The following PTPRR variants were observed in gnomAD, a reference collection of about 807,000 sequenced individuals.
PTPRR encodes the protein receptor-type tyrosine-protein phosphatase R.
PTPRR carries 38 observed loss-of-function variants against 77.2 expected under a neutral mutation model. The ratio of observed to expected loss-of-function variants is 0.49; its 90% CI spans 0.38 to 0.65. The LOEUF is 0.65. Among genes scored for constraint, PTPRR ranks in the 30% least tolerant of loss-of-function variants. PTPRR has a pLI of 0.00. For synonymous variants in PTPRR, 299 were observed against 283.1 expected, an observed-to-expected ratio of 1.06 and a Z score of -0.57; for missense variants, 744 against 799.2, an observed-to-expected ratio of 0.93 and a Z score of 0.83.
intron 2 of PTPRR, among the ~76,000 whole-genome samples, chr12:70,828,608 T>C (rs1346532516): frequency 6.6e-6 from 1 of 152,228 alleles, no homozygotes; most frequent in Non-Finnish European, 1.5e-5. Context: ...CCCTTGGCCA[T>C]GTTATTATTT....
intron 10 of PTPRR, among the ~76,000 whole-genome samples, chr12:70,683,686 G>A (rs1887756883): frequency 6.6e-6 from 1 of 152,008 alleles, no homozygotes; most frequent in South Asian, 2.1e-4. Flanking sequence ...TTTATTATGT[G>A]TAGTGTTGTT....
At chr12:70,916,458 G>A (rs908975265) in intron 1 of PTPRR, among the ~76,000 whole-genome samples, 4 of 152,180 alleles carry the variant, frequency 2.6e-5, no homozygotes, top group Admixed American at 1.3e-4. Flanking sequence ...GAGTTCTAAG[G>A]AACATCTTAA....
At chr12:70,715,801 A>G (rs1889005027) in intron 6 of PTPRR, among the ~76,000 whole-genome samples, 1 of 152,134 alleles carries the variant, frequency 6.6e-6, no homozygotes, top group African/African-American at 2.4e-5. Context: ...CCCAGATTTC[A>G]TATTGTTCAA....
chr12:70,715,627 G>T (rs1464610314), intron 6 of PTPRR, among the ~76,000 whole-genome samples: 1 of 152,160 alleles, frequency 6.6e-6, no homozygotes, highest in Non-Finnish European at 1.5e-5. Context: ...CTCTTTCCCA[G>T]GGATGTTCCT....
chr12:70,735,707 T>C (rs1406589883), intron 6 of PTPRR, among the ~76,000 whole-genome samples: 1 of 152,214 alleles, frequency 6.6e-6, no homozygotes, highest in African/African-American at 2.4e-5. Context: ...TAGATTTTTA[T>C]TTCTTTGTGA....
intron 13 of PTPRR, among the ~76,000 whole-genome samples, chr12:70,642,417 C>T (rs1246998686): frequency 2.0e-5 from 3 of 152,200 alleles, no homozygotes; most frequent in African/African-American, 7.2e-5. Flanking sequence ...CCATTTCTCA[C>T]TCCCAGCGTT....
At chr12:70,902,316 A>T (rs1467408229) in intron 1 of PTPRR, among the ~76,000 whole-genome samples, 1 of 151,862 alleles carries the variant, frequency 6.6e-6, no homozygotes, top group Non-Finnish European at 1.5e-5. Context: ...ACTACTGGGT[A>T]TCCACTCAGA....
intron 1 of PTPRR, among the ~76,000 whole-genome samples, chr12:70,902,069 C>T (rs942867089): frequency 1.3e-5 from 2 of 151,774 alleles, no homozygotes; most frequent in African/African-American, 2.4e-5. Flanking sequence ...AAAAAATGCT[C>T]GACATCACTA....
chr12:70,696,828 T>A (rs564424437), intron 8 of PTPRR, among the ~76,000 whole-genome samples: 2 of 152,182 alleles, frequency 1.3e-5, no homozygotes, highest in Non-Finnish European at 1.5e-5. Flanking sequence ...GATTTAGCTA[T>A]CTGGACATTT....
intron 2 of PTPRR, among the ~76,000 whole-genome samples, chr12:70,828,974 TA>T (rs1892164171): frequency 6.6e-6 from 1 of 152,152 alleles, no homozygotes; most frequent in Non-Finnish European, 1.5e-5. Flanking sequence ...ATACAAAGTC[TA>T]ATGAGAGATG....
intron 13 of PTPRR, among the ~76,000 whole-genome samples, chr12:70,648,785 G>A (rs1359321600): frequency 4.6e-5 from 7 of 151,990 alleles, no homozygotes; most frequent in Admixed American, 4.6e-4. Flanking sequence ...AATTAAAAGC[G>A]AATGCAGTGG....
chr12:70,781,949 C>T (rs1891211387), intron 2 of PTPRR, among the ~76,000 whole-genome samples: 1 of 152,126 alleles, frequency 6.6e-6, no homozygotes, highest in Non-Finnish European at 1.5e-5. Flanking sequence ...ATTTCATAAA[C>T]AGTTGCAATA....
At position 70,737,486 on chromosome 12, in the gene PTPRR, A is replaced by ATTCC. The variant is rs1555171432; in HGVS notation, c.1007+8331_1007+8332insGGAA. ...TTTCGATTATGGGTCTATTTAATGA[A>ATTCC]TATCTATCTATCTATCTATCTATCT... On this transcript the variant is annotated intron_variant, in intron 6 of 13. Coordinates refer to ENST00000283228, the MANE Select transcript of PTPRR (RefSeq NM_002849.4). Among the ~76,000 whole-genome samples, 5 of 144,242 alleles carry ATTCC rather than the reference A, an allele frequency of 3.5e-5. No individual in the cohort carries two copies. The East Asian group carries it at 8.4e-4, about 24-fold the overall frequency. The allele number at this position is 144,242 out of a possible 152,430, so 94.6% of individuals were successfully genotyped here. A position where few individuals can be genotyped will look rare whatever the true frequency, so the allele number is the denominator to read the frequency against.
intron 7 of PTPRR, 64 bp from the exon 8 acceptor site, chr12:70,698,413 G>A: frequency 7.1e-7 from 1 of 1,399,286 alleles, no homozygotes; most frequent in East Asian, 2.3e-5. Context: ...TCTTCACAGG[G>A]GGGCATCTGA....
At chr12:70,685,999 C>T (rs1016237258) in intron 8 of PTPRR, among the ~76,000 whole-genome samples, 4 of 152,086 alleles carry the variant, frequency 2.6e-5, no homozygotes, top group South Asian at 2.1e-4. Flanking sequence ...AGCTCTCATG[C>T]GAAGATAGCT....
intron 2 of PTPRR, among the ~76,000 whole-genome samples, chr12:70,835,242 G>A (rs1340133840): frequency 2.6e-5 from 4 of 152,048 alleles, no homozygotes; most frequent in African/African-American, 9.7e-5. Context: ...AATGCCCTTT[G>A]TATACTTAAA....
At chr12:70,833,242 A>G (rs546861592) in intron 2 of PTPRR, among the ~76,000 whole-genome samples, 4 of 152,112 alleles carry the variant, frequency 2.6e-5, no homozygotes, top group Non-Finnish European at 5.9e-5. Context: ...TGGATTCAAT[A>G]TGGTAGTGAG....
intron 2 of PTPRR, among the ~76,000 whole-genome samples, chr12:70,834,251 T>G (rs1407043890): frequency 6.6e-6 from 1 of 152,214 alleles, no homozygotes; most frequent in Admixed American, 6.5e-5. Context: ...TAAGTTTTTA[T>G]TTTTTACAGG....
At chr12:70,770,401 A>G (rs1316154097) in intron 2 of PTPRR, among the ~76,000 whole-genome samples, 2 of 152,240 alleles carry the variant, frequency 1.3e-5, no homozygotes, top group African/African-American at 2.4e-5. Flanking sequence ...CAAAAGACAC[A>G]TGAAAAAATG....
Sources: gnomAD v4.1 joint callset for allele counts (sites outside exome capture counted in the v4.1 genomes callset) on GRCh38, gnomAD v4.1.1 for gene constraint, MANE v1.5 for transcripts, NCBI Gene and HGNC (gene_info 2026-07-23, HGNC 2026-07-21) for gene names.